The following INO80 variants were observed in gnomAD, a reference collection of about 807,000 sequenced individuals.
INO80 encodes chromatin-remodeling ATPase INO80.
A neutral mutation model predicts 203.4 loss-of-function variants in INO80; 20 were observed. That is an observed-to-expected ratio of 0.10 (90% CI 0.07 to 0.14). The LOEUF (loss-of-function observed/expected upper bound fraction) is 0.14. Among genes scored for constraint, INO80 ranks in the 10% least tolerant of loss-of-function variants. The pLI, the probability that INO80 is intolerant of heterozygous loss-of-function variation, is 1.00. For missense variants in INO80, 1,419 were observed against 1,914.4 expected (o/e 0.74, Z 4.83); for synonymous variants, 726 against 685.2 (o/e 1.06, Z -0.93).
chr15:41,047,612 G>T, intron 22 of INO80, 111 bp from the exon 23 acceptor site: 1 of 715,616 alleles, frequency 1.4e-6, no homozygotes, highest in East Asian at 2.7e-5. Flanking sequence ...CTATTCTAAA[G>T]GTTCTGATCT....
At chr15:41,091,899 G>A (rs969461012) in intron 5 of INO80, 128 bp downstream of exon 5, 23 of 650,006 alleles carry the variant, frequency 3.5e-5, no homozygotes, top group South Asian at 8.8e-5. Flanking sequence ...TGATCCGCCC[G>A]CCTCGTCCTC....
rs190528747 is a variant in INO80, at chr15:41,038,570, T to C, written c.2907+6334A>G. Among the ~76,000 whole-genome samples the C allele has an allele frequency of 2.7e-3, 409 of 152,322 alleles. 3 individuals are homozygous for C. The highest frequency in any genetic ancestry group is 0.013 in the South Asian group (62 of 4,824). On this transcript the variant is annotated intron_variant, in intron 24 of 35. Transcript: ENST00000648947. ...TTTGCTTTAAACTTGATATGGAACT[T>C]AAGATTCCCTCTGGATCCTCTCTTG... is the stretch of plus-strand genomic sequence containing the variant.
Position 41,047,496 on chromosome 15 carries a change from T to C in INO80, c.2647A>G (p.Asn883Asp). The C allele has an allele frequency of 6.2e-7, 1 of 1,600,522 alleles. No homozygotes were observed. The highest frequency in any genetic ancestry group is 8.5e-7 in the Non-Finnish European group (1 of 1,169,886). Residue 883 changes from asparagine (N) to aspartate (D), a missense_variant, in exon 23 of 36, where the codon AAT (asparagine) becomes GAT (aspartate). Physicochemically the swap from Asn to Asp is conservative, Grantham distance 23. Around this residue, in one of 9 missense-constraint regions of INO80, gnomAD observed 302 missense variants for 345.4 expected, o/e 0.87. Coordinates refer to ENST00000648947, the MANE Select transcript of INO80 (RefSeq NM_017553.3). Reference protein sequence around the residue: ...QRSLFHRKGINEESCFSFLRF... With the variant: ...QRSLFHRKGIDEESCFSFLRF... ...AGGAAAGAGAAACAGCTTTCTTCAT[T>C]AATACCTGAAATATAAAAGACAATT...
rs1373545443 is a variant in INO80, at chr15:41,050,108, A to T, written c.2275-6T>A. On this transcript the variant is annotated splice_region_variant and splice_polypyrimidine_tract_variant and intron_variant, in intron 19 of 35. Coordinates refer to ENST00000648947, the MANE Select transcript of INO80 (RefSeq NM_017553.3). ...CAATACATTAGAATCTCAATCTAAAAATCAATAAGAACATTTATATTTGGA... is the reference window on the plus strand; with the variant it reads ...CAATACATTAGAATCTCAATCTAAATATCAATAAGAACATTTATATTTGGA... 6.3e-7 allele frequency: 1 copy of T among 1,591,878 alleles called. No individual in the cohort carries two copies. The highest frequency in any genetic ancestry group is 1.7e-5 in the Admixed American group (1 of 57,592).
intron 9 of INO80, among the ~76,000 whole-genome samples, chr15:41,077,567 GT>G (rs2045424899): frequency 1.3e-5 from 2 of 152,104 alleles, no homozygotes; most frequent in South Asian, 4.2e-4. Flanking sequence ...GAAAATCTTT[GT>G]TTTTTTCTGA....
chr15:41,015,774 T>TAAA (rs999539137), intron 27 of INO80, among the ~76,000 whole-genome samples: 8 of 93,098 alleles, frequency 8.6e-5, no homozygotes, highest in Admixed American at 1.2e-4. Flanking sequence ...CATCTCTACT[T>TAAA]AAAAAAAAAA....
chr15:41,009,973 A>G (rs2044109649), intron 27 of INO80, among the ~76,000 whole-genome samples: 1 of 152,174 alleles, frequency 6.6e-6, no homozygotes, highest in Non-Finnish European at 1.5e-5. Context: ...CTAATATATA[A>G]AATAGATAAA....
In INO80 at chr15:41,055,261, G is replaced by A. The variant is rs1297994961; in HGVS notation, c.2174C>T (p.Ser725Phe). 1 of 1,606,556 alleles carries A rather than the reference G, an allele frequency of 6.2e-7. No homozygotes were observed. The highest frequency in any genetic ancestry group is 8.5e-7 in the Non-Finnish European group (1 of 1,173,544). ...ACAGTACTCACTCTCATCAATAGCA[G>A]ATTTGTTTTCGGCATGGCTCTCAAT... ...KDIESHAENKSAIDENQLSRL... is the reference protein window; with the variant it reads ...KDIESHAENKFAIDENQLSRL... Residue 725 changes from serine to phenylalanine, a missense_variant, in exon 18 of 36, where the codon TCT (serine) becomes TTT (phenylalanine). This residue lies in a region of INO80 where 192 missense variants were observed against 406.7 expected (regional missense o/e 0.47). Transcript: ENST00000648947.
At chr15:40,984,073 T>G (rs1278889629) in intron 33 of INO80, 124 bp downstream of exon 33, 3 of 1,336,870 alleles carry the variant, frequency 2.2e-6, no homozygotes, top group Non-Finnish European at 3.1e-6. Context: ...AGACCTCATG[T>G]GCAACCTACT....
At chr15:41,079,336 T>C (rs1297179929) in intron 9 of INO80, among the ~76,000 whole-genome samples, 1 of 152,116 alleles carries the variant, frequency 6.6e-6, no homozygotes. Flanking sequence ...CTCATTCCTT[T>C]TTCTTGAGGA....
chr15:41,019,057 TA>T (rs2044250958), intron 26 of INO80, among the ~76,000 whole-genome samples: 1 of 152,124 alleles, frequency 6.6e-6, no homozygotes, highest in Non-Finnish European at 1.5e-5. Flanking sequence ...TGTTCAGAGA[TA>T]AAAAGAATGT....
At chr15:40,993,143 T>C (rs544411335) in intron 29 of INO80, among the ~76,000 whole-genome samples, 1 of 152,288 alleles carries the variant, frequency 6.6e-6, no homozygotes, top group South Asian at 2.1e-4. Context: ...CCTACTCTTA[T>C]TCCTCTACTT....
At chr15:40,983,102 G>A (rs1232229649) in intron 34 of INO80, 25 bp from the exon 35 acceptor site, 45 of 1,559,184 alleles carry the variant, frequency 2.9e-5, no homozygotes, top group African/African-American at 2.4e-4. Flanking sequence ...GGGCCAAAAG[G>A]GAAAGAAAAA....
intron 9 of INO80, among the ~76,000 whole-genome samples, chr15:41,077,183 A>C (rs111816580): frequency 0.074 from 11,194 of 150,346 alleles, 1,210 homozygotes; most frequent in African/African-American, 0.24. Flanking sequence ...CTGGGATTAC[A>C]AGCGTGAGCC....
chr15:41,044,191 T>A (rs1378618072), intron 24 of INO80, among the ~76,000 whole-genome samples: 2 of 152,214 alleles, frequency 1.3e-5, no homozygotes, highest in African/African-American at 4.8e-5. Context: ...AGCAATTCCA[T>A]TCCTGGATAT....
At chr15:41,020,123 A>C (rs377374107) in intron 26 of INO80, among the ~76,000 whole-genome samples, 46 of 152,230 alleles carry the variant, frequency 3.0e-4, no homozygotes, top group African/African-American at 1.1e-3. Flanking sequence ...TGGAAGGCTG[A>C]GGCAGGAGAA....
At chr15:41,002,688 A>C (rs1045247987) in intron 28 of INO80, among the ~76,000 whole-genome samples, 1 of 152,230 alleles carries the variant, frequency 6.6e-6, no homozygotes, top group African/African-American at 2.4e-5. Context: ...CTAAGACAGT[A>C]ATCTAAAATA....
chr15:40,997,826 C>A, intron 28 of INO80: 1 of 407,292 alleles, frequency 2.5e-6, no homozygotes. Context: ...CTTTTGCTGC[C>A]CACTAATAGA....
At position 41,047,508 on chromosome 15, in the gene INO80, T is replaced by C. The variant is rs774809736; in HGVS notation, c.2642-7A>G. 14 of 1,579,542 alleles carry C rather than the reference T, an allele frequency of 8.9e-6. No homozygotes were observed. In the Admixed American group the frequency reaches 1.4e-4, roughly 16 times the overall value. Reference sequence around the variant, plus strand: ...CAGCTTTCTTCATTAATACCTGAAATATAAAAGACAATTTGAAACCCAACA... The same window carrying C: ...CAGCTTTCTTCATTAATACCTGAAACATAAAAGACAATTTGAAACCCAACA... On this transcript the variant is annotated splice_region_variant and splice_polypyrimidine_tract_variant and intron_variant, in intron 22 of 35. Coordinates refer to ENST00000648947, the MANE Select transcript of INO80 (RefSeq NM_017553.3).
Sources: allele counts gnomAD v4.1 joint callset (sites outside exome capture counted in the v4.1 genomes callset), GRCh38; gene constraint gnomAD v4.1.1; regional missense constraint gnomAD v4.1.1; transcripts MANE v1.5; gene names NCBI Gene and HGNC (gene_info 2026-07-23, HGNC 2026-07-21).